The following RFT1 variants were observed in gnomAD, a reference collection of about 807,000 sequenced individuals.
RFT1 encodes the protein RFT1 glycolipid translocator homolog.
Under a neutral mutation model 62.2 loss-of-function variants are expected in RFT1, and 43 were observed. That is an observed-to-expected ratio of 0.69 (90% CI 0.54 to 0.89). RFT1 has a LOEUF of 0.89. Among genes scored for constraint, RFT1 ranks in the 40% least tolerant of loss-of-function variants. The pLI is 0.00. For synonymous variants in RFT1, 262 were observed against 264.6 expected (o/e 0.99, Z 0.10); for missense variants, 605 against 649.9 (o/e 0.93, Z 0.75).
the RFT1 span, among the ~76,000 whole-genome samples, chr3:53,075,856 A>G: frequency 2.0e-5 from 3 of 152,208 alleles, no homozygotes; most frequent in Admixed American, 6.5e-5. Flanking sequence ...AAGTGGCCCC[A>G]TCTGTGATGA....
intron 1 of RFT1, among the ~76,000 whole-genome samples, chr3:53,127,477 G>A (rs1247818800): frequency 6.6e-6 from 1 of 152,046 alleles, no homozygotes; most frequent in African/African-American, 2.4e-5. Context: ...CGAGGCTGGC[G>A]GATCATGAGG....
chr3:53,115,324 T>C (rs938279021), intron 6 of RFT1, among the ~76,000 whole-genome samples: 1 of 152,132 alleles, frequency 6.6e-6, no homozygotes, highest in Non-Finnish European at 1.5e-5. Context: ...TCCTGTCTCA[T>C]GGAGCCAGTA....
chr3:53,074,508 G>A, the RFT1 span, among the ~76,000 whole-genome samples: 1 of 152,066 alleles, frequency 6.6e-6, no homozygotes, highest in Non-Finnish European at 1.5e-5. Flanking sequence ...GGCTAAGGCA[G>A]GTCCAGGGGA....
At chr3:53,128,208 G>C (rs1702164486) in intron 1 of RFT1, among the ~76,000 whole-genome samples, 1 of 152,124 alleles carries the variant, frequency 6.6e-6, no homozygotes, top group South Asian at 2.1e-4. Context: ...TGAGGCCTGA[G>C]AATCTCTTGG....
At position 53,111,852 on chromosome 3, in the gene RFT1, G is replaced by A; in HGVS notation, c.753C>T (p.Phe251=). ...KLTWSFFKQS[F]LKQILTEGER... ...TACCTTCTGTCAAAATCTGTTTCAA[G>A]AAAGACTGTTTGAAAAAACTCCAAG... The change falls in exon 7 of 13, where the codon TTC becomes TTT. Residue 251 remains phenylalanine, a synonymous_variant. Transcript: ENST00000296292. 6.2e-7 allele frequency: 1 copy of A among 1,613,968 alleles called. No homozygotes were observed. Among genetic ancestry groups the A allele is most frequent in the Non-Finnish European group, 8.5e-7 (1 of 1,179,860 alleles).
chr3:53,069,568 G>C, the RFT1 span, among the ~76,000 whole-genome samples: 767 of 152,296 alleles, frequency 5.0e-3, 3 homozygotes, highest in Non-Finnish European at 7.9e-3. Context: ...AAATAAAAAT[G>C]ATCACTCAGT....
intron 6 of RFT1, among the ~76,000 whole-genome samples, chr3:53,114,777 G>A (rs1209337483): frequency 6.6e-6 from 1 of 152,138 alleles, no homozygotes; most frequent in African/African-American, 2.4e-5. Context: ...GTGGTAAAAG[G>A]TGATGGATGG....
chr3:53,121,947 C>T (rs1406745511), intron 4 of RFT1, 147 bp from the exon 5 acceptor site: 1 of 705,280 alleles, frequency 1.4e-6, no homozygotes, highest in African/African-American at 1.8e-5. Flanking sequence ...TAACGTTTTA[C>T]TTCTTGGGTA....
chr3:53,072,407 C>T, the RFT1 span, among the ~76,000 whole-genome samples: 11 of 152,304 alleles, frequency 7.2e-5, 1 homozygote, highest in South Asian at 6.2e-4. Flanking sequence ...GGCTGCTGGG[C>T]GTGCTTGGCT....
intron 7 of RFT1, among the ~76,000 whole-genome samples, chr3:53,108,992 A>G (rs1202878378): frequency 6.6e-6 from 1 of 152,062 alleles, no homozygotes; most frequent in African/African-American, 2.4e-5. Context: ...AATGTTTGCA[A>G]AAAGTCCAGG....
chr3:53,105,865 A>T lies in RFT1; in HGVS notation c.827-62T>A, dbSNP rs1015880889. 3.3e-5 allele frequency: 45 copies of T among 1,363,732 alleles called. No homozygotes were observed. The South Asian group carries it at 5.7e-4, about 17-fold the overall frequency. The allele number at this position is 1,363,732 out of a possible 1,614,324, so 84.5% of individuals were successfully genotyped here. ...GTTTTTCTATTTTAATTTTTATAGC[A>T]CTATTAAAATTATTTAATATTTTCA... On this transcript the variant is annotated intron_variant, in intron 8 of 12. Transcript: ENST00000296292.
chr3:53,083,493 TA>T (rs11350349), downstream of RFT1, among the ~76,000 whole-genome samples: 87,513 of 129,982 alleles, frequency 0.67, 28,990 homozygotes, highest in East Asian at 0.85. Context: ...AGACCCTATC[TA>T]AAAAAAAAAA....
At position 53,111,907 on chromosome 3, in the gene RFT1, G is replaced by A. The variant is rs751030368; in HGVS notation, c.698C>T (p.Ala233Val). Reference protein sequence around the residue: ...DLLPNITRNGAFINWKEAKLT... With the variant: ...DLLPNITRNGVFINWKEAKLT... ...TTTAGCCTCTTTCCAGTTTATAAAC[G>A]CCTAGAAGAGAAAACAAAACAAAAC... is the stretch of plus-strand genomic sequence containing the variant. The change falls in exon 7 of 13, where the codon GCG (alanine) becomes GTG (valine). Residue 233 changes from alanine to valine, a missense_variant and splice_region_variant. Physicochemically the swap from Ala to Val is moderately conservative, Grantham distance 64. Coordinates refer to ENST00000296292, the MANE Select transcript of RFT1 (RefSeq NM_052859.4). 1.9e-5 allele frequency: 31 copies of A among 1,611,500 alleles called. No individual in the cohort carries two copies. The South Asian group carries it at 2.9e-4, about 15-fold the overall frequency.
intron 8 of RFT1, among the ~76,000 whole-genome samples, chr3:53,106,420 G>A (rs1025843737): frequency 3.3e-5 from 5 of 152,132 alleles, no homozygotes; most frequent in African/African-American, 1.2e-4. Context: ...GGTCATTAAT[G>A]CAAAGTTGAT....
chr3:53,129,359 CTCATT>C (rs1298984801), intron 1 of RFT1, among the ~76,000 whole-genome samples: 2 of 152,174 alleles, frequency 1.3e-5, no homozygotes, highest in Non-Finnish European at 2.9e-5. Context: ...CACTATGATT[CTCATT>C]TAAGATGAAG....
downstream of RFT1, among the ~76,000 whole-genome samples, chr3:53,088,247 G>A (rs1700901399): frequency 6.6e-6 from 1 of 152,180 alleles, no homozygotes; most frequent in South Asian, 2.1e-4. Flanking sequence ...GGGATGGGGA[G>A]AGGAGCAAAG....
the RFT1 span, among the ~76,000 whole-genome samples, chr3:53,078,407 A>G: frequency 2.6e-5 from 4 of 152,194 alleles, no homozygotes; most frequent in East Asian, 5.8e-4. Flanking sequence ...AATACATAAT[A>G]TCAGGAGATA....
the RFT1 span, among the ~76,000 whole-genome samples, chr3:53,068,771 AT>A: frequency 3.3e-5 from 5 of 151,694 alleles, no homozygotes; most frequent in South Asian, 2.1e-4. Flanking sequence ...TCAACTTGGG[AT>A]TTTTTTTTAC....
At chr3:53,080,258 G>GA in the RFT1 span, among the ~76,000 whole-genome samples, 5 of 152,242 alleles carry the variant, frequency 3.3e-5, no homozygotes, top group African/African-American at 1.2e-4. Context: ...TGTGCGGAAT[G>GA]TGTGTCTGAA....
Sources: gnomAD v4.1 joint callset for allele counts (sites outside exome capture counted in the v4.1 genomes callset) on GRCh38, gnomAD v4.1.1 for gene constraint, MANE v1.5 for transcripts, NCBI Gene and HGNC (gene_info 2026-07-23, HGNC 2026-07-21) for gene names.